Variants in SLC24A3 observed in about 807,000 individuals in gnomAD.
The protein encoded by SLC24A3 is sodium/potassium/calcium exchanger 3.
SLC24A3 carries 28 observed loss-of-function variants against 75.8 expected under a neutral mutation model. That is an observed-to-expected ratio of 0.37 (90% confidence interval 0.27 to 0.51). SLC24A3 has a LOEUF of 0.51. Among genes scored for constraint, SLC24A3 ranks in the 20% least tolerant of loss-of-function variants. SLC24A3 has a pLI of 0.94. For missense variants in SLC24A3, 663 were observed against 847.8 expected, an observed-to-expected ratio of 0.78 and a Z score of 2.71; for synonymous variants, 372 against 334.1, an observed-to-expected ratio of 1.11 and a Z score of -1.24.
intron 16 of SLC24A3, among the ~76,000 whole-genome samples, chr20:19,718,851 C>T (rs2122179318): frequency 6.6e-6 from 1 of 152,276 alleles, no homozygotes; most frequent in East Asian, 1.9e-4. Flanking sequence ...AGTCTAGAGA[C>T]ACCATAGTGT....
intron 2 of SLC24A3, among the ~76,000 whole-genome samples, chr20:19,410,901 GCTC>G (rs1986732431): frequency 6.6e-6 from 1 of 152,206 alleles, no homozygotes. Context: ...AGCTCAGTGG[GCTC>G]ACATTCAGTT....
rs186991806 is a variant in SLC24A3, at chr20:19,467,855, T to G, written c.272-47633T>G. Among the ~76,000 whole-genome samples the G allele has an allele frequency of 1.5e-3, 216 of 147,156 alleles. 5 individuals are homozygous for G. In the East Asian group the frequency reaches 0.035, roughly 24 times the overall value. On this transcript the variant is annotated intron_variant, in intron 2 of 16. Transcript: ENST00000328041. ...GAGATCACACCACTGCACTCCAGCC[T>G]GGGTGACAGAGTGGGACCCTGTCTC...
At chr20:19,470,596 A>G (rs1163236359) in intron 2 of SLC24A3, among the ~76,000 whole-genome samples, 1 of 152,192 alleles carries the variant, frequency 6.6e-6, no homozygotes, top group Non-Finnish European at 1.5e-5. Context: ...GCACACATGT[A>G]CATACACGCA....
At chr20:19,636,346 G>A (rs1041615595) in intron 6 of SLC24A3, among the ~76,000 whole-genome samples, 4 of 152,248 alleles carry the variant, frequency 2.6e-5, no homozygotes, top group Middle Eastern at 3.4e-3. Context: ...TCCATCCATC[G>A]AATAAATGGA....
At chr20:19,521,923 AT>A (rs11383322) in intron 3 of SLC24A3, among the ~76,000 whole-genome samples, 2 of 150,698 alleles carry the variant, frequency 1.3e-5, no homozygotes, top group South Asian at 2.1e-4. Flanking sequence ...TCCCAGGGGT[AT>A]TTTTTTTTCA....
At position 19,250,372 on chromosome 20, in the gene SLC24A3, G is replaced by C. The variant is rs574199458; in HGVS notation, c.143-30587G>C. On this transcript the variant is annotated intron_variant, in intron 1 of 16. Transcript: ENST00000328041. ...AGTCCCCATCTTGGCATGCCAAATG[G>C]GGCAGTCCCTTTTTAAACAGAACAA... 3.9e-5 allele frequency among the ~76,000 whole-genome samples: 6 copies of C among 152,272 alleles called. No individual in the cohort carries two copies. In the East Asian group the frequency reaches 9.7e-4, roughly 25 times the overall value.
At chr20:19,430,690 A>T (rs1036779141) in intron 2 of SLC24A3, among the ~76,000 whole-genome samples, 8 of 152,140 alleles carry the variant, frequency 5.3e-5, no homozygotes, top group African/African-American at 1.7e-4. Flanking sequence ...ACACATTTGT[A>T]TATGTGCACA....
intron 2 of SLC24A3, among the ~76,000 whole-genome samples, chr20:19,506,392 T>C (rs373394141): frequency 1.3e-5 from 2 of 152,238 alleles, no homozygotes; most frequent in African/African-American, 4.8e-5. Flanking sequence ...CATTTGAATC[T>C]GAACTTTGTT....
At chr20:19,227,863 A>G (rs1002727526) in intron 1 of SLC24A3, among the ~76,000 whole-genome samples, 1 of 152,202 alleles carries the variant, frequency 6.6e-6, no homozygotes, top group African/African-American at 2.4e-5. Context: ...TTCCAGATGA[A>G]TTTATAATCC....
chr20:19,678,802 C>T (rs1157785449), intron 9 of SLC24A3, among the ~76,000 whole-genome samples: 7 of 149,210 alleles, frequency 4.7e-5, no homozygotes, highest in Admixed American at 1.3e-4. Flanking sequence ...GGTTGCCGGG[C>T]GGAGGGTCTC....
chr20:19,453,940 C>T (rs1987535607), intron 2 of SLC24A3, among the ~76,000 whole-genome samples: 1 of 152,236 alleles, frequency 6.6e-6, no homozygotes, highest in Non-Finnish European at 1.5e-5. Context: ...TCTTCATTTA[C>T]TGCAAGCGTA....
At chr20:19,666,563 T>C (rs1427108255) in intron 8 of SLC24A3, among the ~76,000 whole-genome samples, 1 of 152,088 alleles carries the variant, frequency 6.6e-6, no homozygotes, top group African/African-American at 2.4e-5. Context: ...AATCCCACGT[T>C]TATCTTAGGA....
At chr20:19,419,302 C>T (rs1986876126) in intron 2 of SLC24A3, among the ~76,000 whole-genome samples, 1 of 151,776 alleles carries the variant, frequency 6.6e-6, no homozygotes, top group African/African-American at 2.4e-5. Context: ...ACACCACCAC[C>T]TGTGAGGCCC....
chr20:19,530,843 G>T (rs1322526847), intron 3 of SLC24A3, among the ~76,000 whole-genome samples: 2 of 152,108 alleles, frequency 1.3e-5, no homozygotes, highest in Admixed American at 1.3e-4. Flanking sequence ...ACTCCAGGGG[G>T]AAAGGCTCCA....
intron 2 of SLC24A3, among the ~76,000 whole-genome samples, chr20:19,336,391 T>A (rs943904862): frequency 1.1e-4 from 16 of 152,246 alleles, no homozygotes; most frequent in South Asian, 6.2e-4. Flanking sequence ...CCTGGGCATT[T>A]TTTATTTATT....
intron 1 of SLC24A3, among the ~76,000 whole-genome samples, chr20:19,221,081 A>G (rs1173089447): frequency 6.6e-6 from 1 of 152,148 alleles, no homozygotes; most frequent in Non-Finnish European, 1.5e-5. Context: ...CTTTTTAGAG[A>G]CAGGATCTTG....
chr20:19,241,417 C>T (rs989802150), intron 1 of SLC24A3, among the ~76,000 whole-genome samples: 8 of 152,152 alleles, frequency 5.3e-5, no homozygotes, highest in African/African-American at 1.4e-4. Context: ...CCTCTCAGGC[C>T]GGGGATGCTT....
intron 2 of SLC24A3, among the ~76,000 whole-genome samples, chr20:19,337,640 T>C (rs972868234): frequency 6.6e-6 from 1 of 152,164 alleles, no homozygotes; most frequent in Non-Finnish European, 1.5e-5. Flanking sequence ...TTGTTATCAG[T>C]TAGCTACAGC....
At chr20:19,649,006 TACTC>T (rs899587258) in intron 6 of SLC24A3, among the ~76,000 whole-genome samples, 2 of 152,224 alleles carry the variant, frequency 1.3e-5, no homozygotes, top group African/African-American at 4.8e-5. Flanking sequence ...AGGACAGAAT[TACTC>T]ACTGTTGGTT....
Sources: gnomAD v4.1 joint callset for allele counts (sites outside exome capture counted in the v4.1 genomes callset) on GRCh38, gnomAD v4.1.1 for gene constraint, MANE v1.5 for transcripts, NCBI Gene and HGNC (gene_info 2026-07-23, HGNC 2026-07-21) for gene names.